Variants in DNAH7 observed in about 807,000 individuals in gnomAD.
DNAH7 encodes axonemal beta dynein heavy chain 7.
Under a neutral mutation model 444.6 loss-of-function variants are expected in DNAH7, and 397 were observed. That is an observed-to-expected ratio of 0.89 (90% CI 0.82 to 0.97). The LOEUF is 0.97. Among genes scored for constraint, DNAH7 ranks in the 50% least tolerant of loss-of-function variants. DNAH7 has a pLI of 0.00. For synonymous variants in DNAH7, 1,636 were observed against 1,624.4 expected (o/e 1.01, Z -0.17); for missense variants, 4,902 against 4,800.8 (o/e 1.02, Z -0.62).
rs182033684 is a variant in DNAH7, at chr2:195,743,035, A to C, written c.11765-2166T>G. Among the ~76,000 whole-genome samples the C allele has an allele frequency of 1.1e-4, 16 of 152,330 alleles. No homozygotes were observed. In the East Asian group the frequency reaches 3.1e-3, roughly 29 times the overall value. On this transcript the variant is annotated intron_variant, in intron 63 of 64. Transcript: ENST00000312428. ...TCAGCTTCCAGTTCAGCTAGAATAA[A>C]GCAGGCAGAAGTTGGAAAGAGCAGA...
chr2:195,937,727 G>T (rs1689150113), intron 19 of DNAH7, among the ~76,000 whole-genome samples: 1 of 151,582 alleles, frequency 6.6e-6, no homozygotes, highest in Non-Finnish European at 1.5e-5. Flanking sequence ...ATGTCATCTG[G>T]GTCTATTCTT....
intron 42 of DNAH7, among the ~76,000 whole-genome samples, chr2:195,861,496 G>A (rs2125079401): frequency 6.6e-6 from 1 of 152,220 alleles, no homozygotes; most frequent in Admixed American, 6.5e-5. Flanking sequence ...TCTTCCAAGA[G>A]TTATTATGCA....
intron 12 of DNAH7, chr2:195,999,249 AG>A (rs1693894469): frequency 1.4e-6 from 1 of 714,898 alleles, no homozygotes; most frequent in Non-Finnish European, 2.6e-6. Context: ...TTCTCTGTAG[AG>A]GAAAAAAACA....
At chr2:195,932,195 G>C (rs1688746205) in intron 21 of DNAH7, among the ~76,000 whole-genome samples, 1 of 152,096 alleles carries the variant, frequency 6.6e-6, no homozygotes, top group African/African-American at 2.4e-5. Flanking sequence ...ATTGTGAATG[G>C]GAATTCACTC....
intron 4 of DNAH7, 97 bp downstream of exon 4, chr2:196,048,199 T>C (rs1697251508): frequency 1.9e-6 from 2 of 1,058,244 alleles, no homozygotes; most frequent in Admixed American, 5.4e-5. Flanking sequence ...TTAATGTCAT[T>C]CAGGTTTTGT....
At chr2:195,775,647 TGA>T (rs1695026315) in intron 60 of DNAH7, among the ~76,000 whole-genome samples, 197 bp downstream of exon 60, 1 of 101,420 alleles carries the variant, frequency 9.9e-6, no homozygotes. Context: ...AAAAGATAGA[TGA>T]AAAAAAAAAA....
At chr2:195,918,654 G>C (rs1463624006) in intron 24 of DNAH7, among the ~76,000 whole-genome samples, 1 of 152,184 alleles carries the variant, frequency 6.6e-6, no homozygotes, top group Non-Finnish European at 1.5e-5. Context: ...TAAGTGAAAA[G>C]AGACAGTATG....
intron 15 of DNAH7, among the ~76,000 whole-genome samples, chr2:195,976,747 C>CAGACAGAGAGAG (rs545824124): frequency 1.8e-4 from 16 of 90,620 alleles, no homozygotes; most frequent in East Asian, 9.2e-4. Context: ...GAGAGGCAGA[C>CAGACAGAGAGAG]AGAGAGAGAG....
intron 5 of DNAH7, among the ~76,000 whole-genome samples, chr2:196,030,989 A>G (rs528937427): frequency 2.8e-4 from 42 of 152,146 alleles, no homozygotes; most frequent in African/African-American, 1.0e-3. Context: ...CCCAGTAGGG[A>G]CTCTGAGTGG....
At chr2:196,043,224 CT>C (rs1344473237) in intron 5 of DNAH7, among the ~76,000 whole-genome samples, 4 of 151,390 alleles carry the variant, frequency 2.6e-5, no homozygotes, top group Non-Finnish European at 4.4e-5. Context: ...TCTCTCAAAG[CT>C]TTTTTTAAAA....
At chr2:196,042,989 T>C (rs897499397) in intron 5 of DNAH7, among the ~76,000 whole-genome samples, 1 of 152,074 alleles carries the variant, frequency 6.6e-6, no homozygotes, top group African/African-American at 2.4e-5. Context: ...TGCAGTTATA[T>C]GAAATTTTAG....
Position 195,738,090 on chromosome 2 carries a change from T to TATG in DNAH7, c.11905_11906insCAT (p.Lys3969delinsThrTer). 1 of 1,613,930 alleles carries TATG rather than the reference T, an allele frequency of 6.2e-7. No individual in the cohort carries two copies. The highest frequency in any genetic ancestry group is 2.2e-5 in the East Asian group (1 of 44,874). On this transcript the variant is annotated stop_gained and protein_altering_variant, in exon 65 of 65. Transcript: ENST00000312428. LOFTEE classifies it low-confidence loss of function (END_TRUNC). Reference sequence around the variant, plus strand: ...CAATGGAGCAACATAACTTGGCCGTTTTGGTATATCTGCCCTCTTACAGGG... The same window carrying TATG: ...CAATGGAGCAACATAACTTGGCCGTTATGTTGGTATATCTGCCCTCTTACAGGG...
chr2:195,972,101 A>G, intron 16 of DNAH7, 141 bp downstream of exon 16: 1 of 674,234 alleles, frequency 1.5e-6, no homozygotes. Flanking sequence ...TCTCCCACTA[A>G]TATTTATAGT....
At chr2:195,943,070 G>A (rs1689567352) in intron 19 of DNAH7, among the ~76,000 whole-genome samples, 1 of 152,098 alleles carries the variant, frequency 6.6e-6, no homozygotes, top group Non-Finnish European at 1.5e-5. Context: ...GAGTTCCCCT[G>A]CACATGCTCT....
intron 19 of DNAH7, among the ~76,000 whole-genome samples, chr2:195,952,359 A>G (rs1338453995): frequency 6.6e-6 from 1 of 151,628 alleles, no homozygotes; most frequent in East Asian, 1.9e-4. Context: ...TGCCCTTAAC[A>G]TTTTTTCCTT....
intron 24 of DNAH7, among the ~76,000 whole-genome samples, chr2:195,918,417 C>G (rs1687817307): frequency 6.6e-6 from 1 of 152,176 alleles, no homozygotes; most frequent in Non-Finnish European, 1.5e-5. Flanking sequence ...CAATCATGCT[C>G]CTAGTTATTT....
intron 61 of DNAH7, among the ~76,000 whole-genome samples, chr2:195,766,068 G>A (rs1574397972): frequency 6.6e-6 from 1 of 151,354 alleles, no homozygotes; most frequent in East Asian, 1.9e-4. Flanking sequence ...CCTGTCATTT[G>A]CAACAAAATG....
chr2:195,775,912 G>A lies in DNAH7; in HGVS notation c.11136C>T (p.Ala3712=). ...TPAPEIFGMN[A]NADITKDQSE... is the part of the protein sequence containing the mutation. ...ACTGATCCTTAGTGATATCTGCATT[G>A]GCATTCATCCCAAAGATTTCTGGTG... The change falls in exon 60 of 65, where the codon GCC becomes GCT. Residue 3712 remains alanine, a synonymous_variant. Coordinates refer to ENST00000312428, the MANE Select transcript of DNAH7 (RefSeq NM_018897.3). The A allele has an allele frequency of 1.2e-6, 2 of 1,614,150 alleles. No homozygotes were observed. The highest frequency in any genetic ancestry group is 1.7e-6 in the Non-Finnish European group (2 of 1,180,014).
intron 57 of DNAH7, among the ~76,000 whole-genome samples, chr2:195,789,702 T>C (rs1695786307): frequency 1.3e-5 from 2 of 152,002 alleles, no homozygotes; most frequent in African/African-American, 4.8e-5. Context: ...TCTCTGAGCA[T>C]ACAACATCAC....
Sources: gnomAD v4.1 joint callset for allele counts (sites outside exome capture counted in the v4.1 genomes callset) on GRCh38, gnomAD v4.1.1 for gene constraint, MANE v1.5 for transcripts, NCBI Gene and HGNC (gene_info 2026-07-23, HGNC 2026-07-21) for gene names.